Variants in PTPRQ observed in about 807,000 individuals in gnomAD.
PTPRQ encodes the protein phosphatidylinositol phosphatase PTPRQ.
PTPRQ carries 199 observed loss-of-function variants against 246.0 expected under a neutral mutation model. The observed-to-expected ratio is 0.81, with a 90% CI of 0.72 to 0.91. The LOEUF is 0.91. PTPRQ is among the 40% of genes least tolerant of loss of function. The pLI is 0.00. For synonymous variants in PTPRQ, 869 were observed against 853.2 expected, an observed-to-expected ratio of 1.02 and a Z score of -0.32; for missense variants, 2,624 against 2,528.4, an observed-to-expected ratio of 1.04 and a Z score of -0.81.
At chr12:80,601,688 T>C (rs1898148971) in intron 26 of PTPRQ, among the ~76,000 whole-genome samples, 1 of 151,728 alleles carries the variant, frequency 6.6e-6, no homozygotes, top group African/African-American at 2.4e-5. Flanking sequence ...TTAATACATT[T>C]ATACAGAGGT....
chr12:80,542,432 A>G (rs1383462136), intron 22 of PTPRQ, 68 bp downstream of exon 22: 8 of 1,493,344 alleles, frequency 5.4e-6, no homozygotes, highest in Non-Finnish European at 7.1e-6. Context: ...TTTTTAAGGA[A>G]CAGCATGGAA....
chr12:80,494,957 C>T lies in PTPRQ; in HGVS notation c.1565C>T (p.Thr522Ile), dbSNP rs1483581430. ...PVVTTRNQYI[T>I]DIAAEQLSYV... ...GTAACTACAAGGAATCAGTATATTA[C>T]TGACATTGCAGCTGAACAGCTGTCT... is the stretch of plus-strand genomic sequence containing the variant. Residue 522 changes from threonine (T) to isoleucine (I), a missense_variant, in exon 11 of 45, where the codon ACT becomes ATT. Coordinates refer to ENST00000644991, the MANE Select transcript of PTPRQ (RefSeq NM_001145026.2). The T allele has an allele frequency of 1.9e-6, 3 of 1,549,556 alleles. No individual in the cohort carries two copies. Among genetic ancestry groups the T allele is most frequent in the African/African-American group, 2.7e-5 (2 of 72,872 alleles).
chr12:80,492,863 C>A (rs1894490609), intron 9 of PTPRQ, among the ~76,000 whole-genome samples: 1 of 151,852 alleles, frequency 6.6e-6, no homozygotes, highest in Non-Finnish European at 1.5e-5. Context: ...GTATGGTATA[C>A]AAATGAGGAC....
intron 8 of PTPRQ, among the ~76,000 whole-genome samples, chr12:80,477,458 T>C (rs187913607): frequency 3.9e-5 from 6 of 152,332 alleles, no homozygotes; most frequent in Admixed American, 3.9e-4. Context: ...TGTTATGACT[T>C]TTATTTTGGA....
intron 17 of PTPRQ, among the ~76,000 whole-genome samples, chr12:80,518,814 C>T (rs890607152): frequency 6.6e-6 from 1 of 152,078 alleles, no homozygotes; most frequent in East Asian, 1.9e-4. Flanking sequence ...TCTGCGTTCT[C>T]TATTCTGTTC....
chr12:80,559,997 C>T (rs1665875948), intron 25 of PTPRQ, among the ~76,000 whole-genome samples: 1 of 152,148 alleles, frequency 6.6e-6, no homozygotes, highest in African/African-American at 2.4e-5. Context: ...ATTGCCAAAA[C>T]AAGATTCAAG....
chr12:80,531,935 A>G (rs1895856679), intron 17 of PTPRQ, among the ~76,000 whole-genome samples: 1 of 152,102 alleles, frequency 6.6e-6, no homozygotes, highest in South Asian at 2.1e-4. Flanking sequence ...TATAACAACA[A>G]GCTTCTTTTT....
chr12:80,620,523 A>G, intron 32 of PTPRQ, 147 bp downstream of exon 32: 7 of 1,195,556 alleles, frequency 5.9e-6, no homozygotes, highest in Non-Finnish European at 8.0e-6. Flanking sequence ...CTAGGAATAG[A>G]AAGATAAACT....
intron 5 of PTPRQ, 67 bp downstream of exon 5, chr12:80,459,550 G>C: frequency 2.5e-6 from 1 of 397,446 alleles, no homozygotes; most frequent in Non-Finnish European, 4.4e-6. Context: ...CATATTTCTA[G>C]CATCTAGATA....
chr12:80,449,028 C>A (rs958986598), intron 3 of PTPRQ, among the ~76,000 whole-genome samples: 1 of 151,854 alleles, frequency 6.6e-6, no homozygotes, highest in African/African-American at 2.4e-5. Flanking sequence ...ATATCCTCTC[C>A]AGCACTTGTT....
intron 14 of PTPRQ, among the ~76,000 whole-genome samples, chr12:80,501,092 A>T (rs1046632648): frequency 1.3e-5 from 2 of 151,864 alleles, no homozygotes; most frequent in African/African-American, 2.4e-5. Context: ...AGAGGAAAAA[A>T]ATTGTGGAGT....
intron 25 of PTPRQ, among the ~76,000 whole-genome samples, chr12:80,573,445 T>C (rs955810932): frequency 2.0e-5 from 3 of 151,716 alleles, no homozygotes; most frequent in Non-Finnish European, 2.9e-5. Flanking sequence ...GCCGAGATCA[T>C]GCCACTGCAC....
intron 25 of PTPRQ, among the ~76,000 whole-genome samples, chr12:80,559,676 A>G (rs1896767949): frequency 6.6e-6 from 1 of 152,218 alleles, no homozygotes; most frequent in Non-Finnish European, 1.5e-5. Flanking sequence ...TAGCTTTCTA[A>G]TCAAAACAAC....
chr12:80,609,320 A>G (rs1394976865), intron 27 of PTPRQ, among the ~76,000 whole-genome samples: 1 of 150,708 alleles, frequency 6.6e-6, no homozygotes, highest in African/African-American at 2.4e-5. Context: ...TTCTTAGCAA[A>G]GAGCATTAAA....
chr12:80,454,536 C>G (rs1460713360), intron 3 of PTPRQ: 2 of 702,330 alleles, frequency 2.8e-6, no homozygotes, highest in Non-Finnish European at 5.2e-6. Context: ...AGACATCCTA[C>G]TTTTGTTGCA....
intron 39 of PTPRQ, among the ~76,000 whole-genome samples, chr12:80,662,182 AAAG>A (rs1900654739): frequency 6.6e-6 from 1 of 151,958 alleles, no homozygotes; most frequent in African/African-American, 2.4e-5. Context: ...CAAAGGATGA[AAAG>A]AAGGATTGGT....
intron 39 of PTPRQ, among the ~76,000 whole-genome samples, chr12:80,666,268 A>G (rs749347806): frequency 3.9e-5 from 6 of 152,056 alleles, no homozygotes; most frequent in Non-Finnish European, 8.8e-5. Flanking sequence ...ATTTGTGGCA[A>G]TATGGATGAG....
At chr12:80,478,580 G>A (rs1893910216) in intron 8 of PTPRQ, among the ~76,000 whole-genome samples, 1 of 152,170 alleles carries the variant, frequency 6.6e-6, no homozygotes, top group African/African-American at 2.4e-5. Context: ...ATTACTCTGA[G>A]CTACAGGAGG....
chr12:80,658,089 A>C (rs1900503017), intron 39 of PTPRQ, 28 bp downstream of exon 39: 9 of 1,222,228 alleles, frequency 7.4e-6, no homozygotes, highest in Non-Finnish European at 9.7e-6. Context: ...ATATTTTATA[A>C]TTGTATAAAA....
Sources: allele counts gnomAD v4.1 joint callset (sites outside exome capture counted in the v4.1 genomes callset), GRCh38; gene constraint gnomAD v4.1.1; transcripts MANE v1.5; gene names NCBI Gene and HGNC (gene_info 2026-07-23, HGNC 2026-07-21).